The following ILRUN variants were observed in gnomAD, a reference collection of about 807,000 sequenced individuals.
The protein encoded by ILRUN is protein ILRUN.
ILRUN carries 3 observed loss-of-function variants against 33.8 expected under a neutral mutation model. The observed-to-expected ratio is 0.09, with a 90% confidence interval of 0.04 to 0.23. The LOEUF (loss-of-function observed/expected upper bound fraction) is 0.23, where lower values mean the gene tolerates loss of function less well. ILRUN is among the 10% of genes least tolerant of loss of function. ILRUN has a pLI of 1.00. For synonymous variants in ILRUN, 124 were observed against 138.9 expected (o/e 0.89, Z 0.75); for missense variants, 210 against 375.1 (o/e 0.56, Z 3.64).
rs533390917 is a variant in ILRUN at position 34,675,611 on chromosome 6, A to G, written c.159-20832T>C. On this transcript the variant is annotated intron_variant, in intron 1 of 4. Transcript: ENST00000374023. ...CACTTTAAAGCAGAAATCAAAAAGG[A>G]AAAGACTGCTGGAGTCAATGTCATA... Among the ~76,000 whole-genome samples, 28 of 152,304 alleles carry G rather than the reference A, an allele frequency of 1.8e-4. No individual in the cohort carries two copies. In the South Asian group the frequency reaches 5.8e-3, roughly 32 times the overall value.
At chr6:34,664,448 G>A (rs775312846) in intron 1 of ILRUN, among the ~76,000 whole-genome samples, 4 of 152,162 alleles carry the variant, frequency 2.6e-5, no homozygotes, top group Non-Finnish European at 4.4e-5. Context: ...TAGGATTACA[G>A]GAGCATGCCA....
intron 1 of ILRUN, among the ~76,000 whole-genome samples, chr6:34,692,443 AT>A (rs1194374828): frequency 6.6e-6 from 1 of 152,210 alleles, no homozygotes; most frequent in African/African-American, 2.4e-5. Context: ...AAGTTGAGAG[AT>A]TTTTTTGTCA....
chr6:34,690,180 G>A lies in ILRUN; in HGVS notation c.158+6266C>T, dbSNP rs186198506. ...ACACCTTAAACTGATTAAAATGCGG[G>A]CCGGGCATGGTGGCTCACACCTGTA... On this transcript the variant is annotated intron_variant, in intron 1 of 4. Transcript: ENST00000374023. 8.3e-4 allele frequency among the ~76,000 whole-genome samples: 127 copies of A among 152,216 alleles called. 1 individual carries two copies. The highest frequency in any genetic ancestry group is 5.9e-5 in the Non-Finnish European group (4 of 68,026).
chr6:34,652,339 T>C (rs1305921710), intron 2 of ILRUN, among the ~76,000 whole-genome samples: 2 of 152,192 alleles, frequency 1.3e-5, no homozygotes, highest in Non-Finnish European at 2.9e-5. Context: ...CTAACTGTTA[T>C]AACTAACTGT....
At chr6:34,632,182 T>TGTAA (rs1466121336) in intron 3 of ILRUN, among the ~76,000 whole-genome samples, 2 of 152,228 alleles carry the variant, frequency 1.3e-5, no homozygotes, top group Admixed American at 1.3e-4. Context: ...GGCTCACACC[T>TGTAA]GTAATCCCAG....
chr6:34,655,590 T>A (rs891004330), intron 1 of ILRUN, among the ~76,000 whole-genome samples: 1 of 152,178 alleles, frequency 6.6e-6, no homozygotes, highest in Non-Finnish European at 1.5e-5. Flanking sequence ...TACAGATGGA[T>A]CATCATTTAA....
At chr6:34,642,198 CG>C (rs1391512272) in intron 3 of ILRUN, among the ~76,000 whole-genome samples, 3 of 152,164 alleles carry the variant, frequency 2.0e-5, no homozygotes, top group Non-Finnish European at 4.4e-5. Flanking sequence ...GACGACATGA[CG>C]CTGGAGATGC....
chr6:34,670,816 T>C (rs1311842365), intron 1 of ILRUN, among the ~76,000 whole-genome samples: 1 of 137,100 alleles, frequency 7.3e-6, no homozygotes, highest in African/African-American at 2.8e-5. Context: ...CTGCACTCTA[T>C]CCTGGGTGAC....
At chr6:34,637,864 C>CTGCTGCTGCTGCTGTTGTTGT (rs749114775) in intron 3 of ILRUN, among the ~76,000 whole-genome samples, 60 of 142,020 alleles carry the variant, frequency 4.2e-4, no homozygotes, top group African/African-American at 1.5e-3. Flanking sequence ...GCTGCTGCTG[C>CTGCTGCTGCTGCTGTTGTTGT]TGTTGTTGTT....
At chr6:34,594,650 G>T (rs1040207065) in intron 4 of ILRUN, among the ~76,000 whole-genome samples, 6 of 152,148 alleles carry the variant, frequency 3.9e-5, no homozygotes, top group Non-Finnish European at 8.8e-5. Flanking sequence ...TGAGCGTGGG[G>T]ACCTAAGTTC....
intron 1 of ILRUN, among the ~76,000 whole-genome samples, chr6:34,664,777 T>C (rs916451481): frequency 6.6e-6 from 1 of 152,204 alleles, no homozygotes; most frequent in African/African-American, 2.4e-5. Flanking sequence ...TGTCTATGGT[T>C]TATCGTTGCT....
chr6:34,640,494 C>T (rs1762452307), intron 3 of ILRUN, among the ~76,000 whole-genome samples: 2 of 152,082 alleles, frequency 1.3e-5, no homozygotes, highest in African/African-American at 2.4e-5. Flanking sequence ...GGGCGGATCA[C>T]AAGGTCAAGA....
At chr6:34,632,691 T>TTTTTTG (rs1331355515) in intron 3 of ILRUN, among the ~76,000 whole-genome samples, 1 of 151,302 alleles carries the variant, frequency 6.6e-6, no homozygotes, top group Non-Finnish European at 1.5e-5. Flanking sequence ...AATTTTTTTT[T>TTTTTTG]TTTTTGTATT....
intron 1 of ILRUN, among the ~76,000 whole-genome samples, chr6:34,683,466 A>AT (rs1763433374): frequency 2.0e-5 from 2 of 100,018 alleles, no homozygotes; most frequent in African/African-American, 6.0e-5. Context: ...ATATATACAT[A>AT]TATATACACA....
intron 3 of ILRUN, among the ~76,000 whole-genome samples, chr6:34,609,041 T>C (rs959789429): frequency 1.3e-5 from 2 of 152,190 alleles, no homozygotes; most frequent in African/African-American, 4.8e-5. Flanking sequence ...GAAAGGTTGA[T>C]AGAAAAAGGC....
chr6:34,666,637 A>C (rs890904307), intron 1 of ILRUN, among the ~76,000 whole-genome samples: 1 of 152,222 alleles, frequency 6.6e-6, no homozygotes, highest in Non-Finnish European at 1.5e-5. Flanking sequence ...GAATAAAAAC[A>C]AATTTTATGA....
At chr6:34,636,211 G>A (rs970534526) in intron 3 of ILRUN, among the ~76,000 whole-genome samples, 1 of 151,978 alleles carries the variant, frequency 6.6e-6, no homozygotes, top group Non-Finnish European at 1.5e-5. Context: ...TCCTGACACT[G>A]TCCAGCCTGG....
chr6:34,596,119 T>C (rs1322149514), intron 4 of ILRUN, among the ~76,000 whole-genome samples: 1 of 152,188 alleles, frequency 6.6e-6, no homozygotes, highest in African/African-American at 2.4e-5. Flanking sequence ...AGAAATAAAA[T>C]TAAGTCTGTA....
chr6:34,687,709 A>AAAG (rs1491551356), intron 1 of ILRUN, among the ~76,000 whole-genome samples: 1 of 122,900 alleles, frequency 8.1e-6, no homozygotes, highest in Non-Finnish European at 1.6e-5. Flanking sequence ...AAAAAAAAAA[A>AAAG]TATATATATA....
Sources: gnomAD v4.1 joint callset for allele counts (sites outside exome capture counted in the v4.1 genomes callset) on GRCh38, gnomAD v4.1.1 for gene constraint, MANE v1.5 for transcripts, NCBI Gene and HGNC (gene_info 2026-07-23, HGNC 2026-07-21) for gene names.